CDH4: variants seen among roughly 807,000 people sequenced by gnomAD.
CDH4 encodes cadherin 4.
In CDH4, 33 loss-of-function variants were observed where a neutral mutation model predicts 86.0. The ratio of observed to expected loss-of-function variants is 0.38; its 90% confidence interval spans 0.29 to 0.51. CDH4 has a LOEUF of 0.51. CDH4 is among the 20% of genes least tolerant of loss of function. The probability of loss-of-function intolerance (pLI) is 0.86; values close to 1 mark genes in which losing one functional copy is unlikely to be tolerated. For synonymous variants in CDH4, 555 were observed against 549.4 expected (o/e 1.01, Z -0.14); for missense variants, 1,114 against 1,307.4 (o/e 0.85, Z 2.28).
chr20:61,748,399 T>C (rs1412639040), intron 3 of CDH4, among the ~76,000 whole-genome samples: 2 of 152,158 alleles, frequency 1.3e-5, no homozygotes, highest in African/African-American at 4.8e-5. Flanking sequence ...CCAAGGAATA[T>C]CTTAAAAGTG....
At chr20:61,353,834 C>T (rs1345563010) in intron 2 of CDH4, among the ~76,000 whole-genome samples, 5 of 149,944 alleles carry the variant, frequency 3.3e-5, no homozygotes, top group African/African-American at 1.2e-4. Context: ...TTAGAAACAT[C>T]CGCAAATGAA....
At chr20:61,343,565 A>C (rs576116198) in intron 2 of CDH4, among the ~76,000 whole-genome samples, 1 of 152,216 alleles carries the variant, frequency 6.6e-6, no homozygotes, top group Non-Finnish European at 1.5e-5. Context: ...CTGCAGCAGT[A>C]TAAAACTCTC....
intron 2 of CDH4, among the ~76,000 whole-genome samples, chr20:61,686,539 GTGTGCATTCGCGTGTATGTGCA>G (rs1464864197): frequency 1.3e-5 from 2 of 151,498 alleles, no homozygotes; most frequent in Non-Finnish European, 3.0e-5. Context: ...ATTTGTGTAT[GTGTGCATTCGCGTGTATGTGCA>G]TGTGCATTCG....
At chr20:61,756,910 T>A (rs561817261) in intron 3 of CDH4, among the ~76,000 whole-genome samples, 1 of 152,190 alleles carries the variant, frequency 6.6e-6, no homozygotes, top group Non-Finnish European at 1.5e-5. Flanking sequence ...GGTCCAAGTT[T>A]GAAGCTCACA....
intron 4 of CDH4, among the ~76,000 whole-genome samples, chr20:61,839,723 A>AGT (rs914754428): frequency 7.0e-6 from 1 of 142,672 alleles, no homozygotes; most frequent in Non-Finnish European, 1.5e-5. Context: ...TTGTGTATTG[A>AGT]GTGTGTGTGT....
At chr20:61,802,502 AAAGG>A (rs1979880194) in intron 4 of CDH4, among the ~76,000 whole-genome samples, 1 of 152,166 alleles carries the variant, frequency 6.6e-6, no homozygotes, top group South Asian at 2.1e-4. Context: ...AGTTGTAAAG[AAAGG>A]AATTTCTCTG....
chr20:61,497,430 G>C (rs1336231689), intron 2 of CDH4, among the ~76,000 whole-genome samples: 1 of 152,064 alleles, frequency 6.6e-6, no homozygotes, highest in African/African-American at 2.4e-5. Flanking sequence ...TACATCACAG[G>C]CTACTGAAAG....
intron 4 of CDH4, among the ~76,000 whole-genome samples, chr20:61,785,363 G>A (rs1481700242): frequency 6.6e-6 from 1 of 152,182 alleles, no homozygotes; most frequent in Non-Finnish European, 1.5e-5. Context: ...GCCCCTGTCT[G>A]TGTCCCAGCC....
chr20:61,314,742 C>CGGA (rs967246146), intron 2 of CDH4, among the ~76,000 whole-genome samples: 135 of 152,218 alleles, frequency 8.9e-4, no homozygotes, highest in African/African-American at 3.0e-3. Flanking sequence ...CCAGCAACAG[C>CGGA]GGAGGAGGAG....
chr20:61,628,076 C>T lies in CDH4; in HGVS notation c.170-115487C>T, dbSNP rs538325313. Among the ~76,000 whole-genome samples, 317 of 152,254 alleles carry T rather than the reference C, an allele frequency of 2.1e-3. 3 individuals are homozygous for T. The highest frequency in any genetic ancestry group is 7.1e-3 in the African/African-American group (295 of 41,556). ...ATTCTCCCGTGTGGGGACGCGTGGA[C>T]ACAACCCTGAGGAGGCTGGGTTTCT... On this transcript the variant is annotated intron_variant, in intron 2 of 15. Coordinates refer to ENST00000614565, the MANE Select transcript of CDH4 (RefSeq NM_001794.5).
intron 2 of CDH4, among the ~76,000 whole-genome samples, chr20:61,311,816 A>G (rs2084446968): frequency 6.6e-6 from 1 of 152,280 alleles, no homozygotes; most frequent in Non-Finnish European, 1.5e-5. Flanking sequence ...AAAACAAAAC[A>G]TCTGAAAGTG....
chr20:61,934,141 G>A lies in CDH4; in HGVS notation c.2465G>A (p.Arg822Gln), dbSNP rs563836855. ...KAPGVRRVDE[R>Q]PVGAEPQYPI... ...CCTGGCGTGCGTCGCGTGGATGAGC[G>A]GCCGGTGGGCGCTGAGCCCCAGTAC... Residue 822 changes from arginine to glutamine, a missense_variant, in exon 15 of 16, where the codon CGG becomes CAG. This residue lies in a region of CDH4 where 188 missense variants were observed against 183.8 expected (regional missense o/e 1.02). Coordinates refer to ENST00000614565, the MANE Select transcript of CDH4 (RefSeq NM_001794.5). The A allele has an allele frequency of 7.0e-5, 112 of 1,610,656 alleles. No homozygotes were observed. The East Asian group carries it at 2.0e-3, about 28-fold the overall frequency.
chr20:61,714,022 T>TGA, intron 2 of CDH4, among the ~76,000 whole-genome samples: 1 of 119,820 alleles, frequency 8.3e-6, no homozygotes, highest in African/African-American at 4.2e-5. Flanking sequence ...TCTATTCTTT[T>TGA]TTTATTTTAT....
chr20:61,365,422 C>G (rs938019370), intron 2 of CDH4, among the ~76,000 whole-genome samples: 9 of 152,046 alleles, frequency 5.9e-5, no homozygotes, highest in African/African-American at 1.9e-4. Context: ...CTGAGTGGCT[C>G]ATAGTCAACA....
chr20:61,268,010 G>A lies in CDH4; in HGVS notation c.169+13073G>A, dbSNP rs568628607. ...TCCCTCTTGCAGCCTGTGTTGCAGC[G>A]GGCTGATTGCAGACGTGGGTCTGGG... is the stretch of plus-strand genomic sequence containing the variant. On this transcript the variant is annotated intron_variant, in intron 2 of 15. Transcript: ENST00000614565. Among the ~76,000 whole-genome samples, 11 of 152,320 alleles carry A rather than the reference G, an allele frequency of 7.2e-5. No individual in the cohort carries two copies. In the South Asian group the frequency reaches 8.3e-4, roughly 11 times the overall value.
At chr20:61,732,623 C>T (rs969879807) in intron 2 of CDH4, among the ~76,000 whole-genome samples, 3 of 152,210 alleles carry the variant, frequency 2.0e-5, no homozygotes, top group African/African-American at 7.2e-5. Context: ...GGGATGCCTC[C>T]CTCCAGTGGC....
At position 61,703,382 on chromosome 20, in the gene CDH4, C is replaced by T. The variant is rs1473177937; in HGVS notation, c.170-40181C>T. Among the ~76,000 whole-genome samples, 2 of 152,158 alleles carry T rather than the reference C, an allele frequency of 1.3e-5. No homozygotes were observed. The highest frequency in any genetic ancestry group is 2.9e-5 in the Non-Finnish European group (2 of 68,038). On this transcript the variant is annotated intron_variant, in intron 2 of 15. Transcript: ENST00000614565. The surrounding 1 kb of genome is among the most constrained non-coding windows in gnomAD (Gnocchi z 4.3). ...TGGCAGGATGGACACAGTTGATACT[C>T]GAGCGTGAATGGAGACACTGGCAGC...
chr20:61,757,764 A>C (rs1198521664), intron 3 of CDH4, among the ~76,000 whole-genome samples: 2 of 152,314 alleles, frequency 1.3e-5, no homozygotes, highest in East Asian at 3.9e-4. Context: ...CCATGCCGGC[A>C]GGGAGGCTCT....
intron 2 of CDH4, among the ~76,000 whole-genome samples, chr20:61,527,237 A>G (rs1050996762): frequency 6.6e-6 from 1 of 151,858 alleles, no homozygotes; most frequent in Admixed American, 6.6e-5. Flanking sequence ...GGTAAACACC[A>G]GTTTTTAAAC....
Sources: allele counts gnomAD v4.1 joint callset (sites outside exome capture counted in the v4.1 genomes callset), GRCh38; gene constraint gnomAD v4.1.1; regional missense constraint gnomAD v4.1.1; non-coding constraint Gnocchi (gnomAD v3.1); transcripts MANE v1.5; gene names NCBI Gene and HGNC (gene_info 2026-07-23, HGNC 2026-07-21).